The following DSC1 variants were observed in gnomAD, a reference collection of about 807,000 sequenced individuals.
DSC1 encodes the protein desmocollin 1, also known as desmocollin-1.
Under a neutral mutation model 98.8 loss-of-function variants are expected in DSC1, and 79 were observed. The observed-to-expected ratio is 0.80, with a 90% CI of 0.67 to 0.96. The LOEUF (loss-of-function observed/expected upper bound fraction) is 0.96. DSC1 is among the 50% of genes least tolerant of loss of function. DSC1 has a pLI of 0.00. For missense variants in DSC1, 1,115 were observed against 1,075.9 expected, an observed-to-expected ratio of 1.04 and a Z score of -0.51; for synonymous variants, 405 against 372.1, an observed-to-expected ratio of 1.09 and a Z score of -1.02.
At chr18:31,134,261 T>C (rs1988559892) in intron 12 of DSC1, 131 bp from the exon 13 acceptor site, 3 of 1,244,044 alleles carry the variant, frequency 2.4e-6, no homozygotes, top group Non-Finnish European at 3.3e-6. Context: ...TTTTTGAATT[T>C]GTGATTTCCC....
At chr18:31,156,347 C>G (rs978661149) in intron 3 of DSC1, among the ~76,000 whole-genome samples, 185 bp from the exon 4 acceptor site, 1 of 152,148 alleles carries the variant, frequency 6.6e-6, no homozygotes, top group African/African-American at 2.4e-5. Context: ...TTCCCCCGTT[C>G]TACCTATTTC....
At position 31,140,048 on chromosome 18, in the gene DSC1, C is replaced by G; in HGVS notation, c.1514G>C (p.Gly505Ala). The change falls in exon 10 of 16, where the codon GGC (glycine) becomes GCC (alanine). Residue 505 changes from glycine (G) to alanine (A), a missense_variant. Gly to Ala is a moderately conservative substitution (Grantham distance 60). Coordinates refer to ENST00000257198, the MANE Select transcript of DSC1 (RefSeq NM_024421.2). Reference protein sequence around the residue: ...ALDPEISSGEGLRYQKLGDED... With the variant: ...ALDPEISSGEALRYQKLGDED... Reference sequence around the variant, plus strand: ...TTTTTGAAAAGTACATCACCTTAAGCCTTCACCACTGGATATTTCCGGGTC... The same window carrying G: ...TTTTTGAAAAGTACATCACCTTAAGGCTTCACCACTGGATATTTCCGGGTC... 6.2e-7 allele frequency: 1 copy of G among 1,613,644 alleles called. No homozygotes were observed. Among genetic ancestry groups the G allele is most frequent in the Non-Finnish European group, 8.5e-7 (1 of 1,179,794 alleles).
Position 31,156,855 on chromosome 18 carries a change from A to G in DSC1, c.351+516T>C, listed in dbSNP as rs541693323. On this transcript the variant is annotated intron_variant, in intron 3 of 15. Transcript: ENST00000257198. ...CAAGAAAATGAGCCTAGAGTTAAACATTCAAATCAATTCTGTGGATTGGCC... is the reference window on the plus strand; with the variant it reads ...CAAGAAAATGAGCCTAGAGTTAAACGTTCAAATCAATTCTGTGGATTGGCC... Among the ~76,000 whole-genome samples, 3 of 152,334 alleles carry G rather than the reference A, an allele frequency of 2.0e-5. No homozygotes were observed. The East Asian group carries it at 5.8e-4, about 29-fold the overall frequency.
rs1013718144 is a variant in DSC1, at chr18:31,130,372, A to G, written c.*142T>C. On this transcript the variant is annotated 3_prime_UTR_variant, in exon 16 of 16. Transcript: ENST00000257198. ...ATACCAGACAAGGAGAATGTAGGGG[A>G]ATCTCATATTTATAGTACCCTTACC... is the stretch of plus-strand genomic sequence containing the variant. 1 of 800,948 alleles carries G rather than the reference A, an allele frequency of 1.2e-6. No individual in the cohort carries two copies. The allele number at this position is 800,948 out of a possible 1,614,324, so 49.6% of individuals were successfully genotyped here.
At position 31,159,299 on chromosome 18, in the gene DSC1, C is replaced by T. The variant is rs544622804; in HGVS notation, c.148+146G>A. The T allele has an allele frequency of 3.0e-4, 187 of 624,034 alleles. 3 individuals carry two copies. In the Admixed American group the frequency reaches 4.6e-3, roughly 15 times the overall value. The allele number at this position is 624,034 out of a possible 1,614,324, so 38.7% of individuals were successfully genotyped here. A position where few individuals can be genotyped will look rare whatever the true frequency, so the allele number is the denominator to read the frequency against. On this transcript the variant is annotated intron_variant, in intron 2 of 15. Transcript: ENST00000257198. ...CGATCTCCTGACCTCATGATCCACC[C>T]GCCTCGGCCTCCCAAAGTGCTGGGA... is the stretch of plus-strand genomic sequence containing the variant.
intron 13 of DSC1, 35 bp from the exon 14 acceptor site, chr18:31,132,724 C>T: frequency 1.3e-6 from 2 of 1,572,650 alleles, no homozygotes; most frequent in East Asian, 2.3e-5. Flanking sequence ...AAAACACAGA[C>T]ATTAAATCAT....
chr18:31,153,481 T>G (rs1002189869), intron 5 of DSC1, among the ~76,000 whole-genome samples: 2 of 152,172 alleles, frequency 1.3e-5, no homozygotes, highest in Admixed American at 1.3e-4. Flanking sequence ...ATATGTTTAT[T>G]CTAGAGAATT....
At chr18:31,151,978 ATGG>A (rs1989007906) in intron 5 of DSC1, among the ~76,000 whole-genome samples, 1 of 152,144 alleles carries the variant, frequency 6.6e-6, no homozygotes, top group Non-Finnish European at 1.5e-5. Flanking sequence ...CCTGGCGAAC[ATGG>A]TGGAACCCTG....
In DSC1 at chr18:31,156,277, G is replaced by A. The variant is rs1028586943; in HGVS notation, c.352-115C>T. 32 of 1,269,786 alleles carry A rather than the reference G, an allele frequency of 2.5e-5. No individual in the cohort carries two copies. In the Admixed American group the frequency reaches 7.3e-4, roughly 29 times the overall value. The allele number at this position is 1,269,786 out of a possible 1,614,324, so 78.7% of individuals were successfully genotyped here. A position where few individuals can be genotyped will look rare whatever the true frequency, so the allele number is the denominator to read the frequency against. Reference sequence around the variant, plus strand: ...AAGGGTTACACATTACAATATCATGGCTAGTCAGCAAAGCATTTCTATTGA... The same window carrying A: ...AAGGGTTACACATTACAATATCATGACTAGTCAGCAAAGCATTTCTATTGA... On this transcript the variant is annotated intron_variant, in intron 3 of 15. Coordinates refer to ENST00000257198, the MANE Select transcript of DSC1 (RefSeq NM_024421.2).
intron 13 of DSC1, among the ~76,000 whole-genome samples, chr18:31,133,451 A>G (rs1219267722): frequency 6.6e-6 from 1 of 152,140 alleles, no homozygotes; most frequent in African/African-American, 2.4e-5. Flanking sequence ...TCACTTCATT[A>G]ATAATATGGA....
rs1197600597 is a variant in DSC1, at chr18:31,148,506, C to T, written c.764G>A (p.Cys255Tyr). 4 of 1,595,894 alleles carry T rather than the reference C, an allele frequency of 2.5e-6. No individual in the cohort carries two copies. The East Asian group carries it at 9.0e-5, about 36-fold the overall frequency. The stretch of plus-strand genomic sequence containing the variant: ...ATAAAATGTGAACTTACCGGATCGG[C>T]AATTTTCAGGCACAGTAAAGATAGT... The part of the protein sequence containing the change: ...RVTIFTVPEN[C>Y]RSGTSVGKVT... Residue 255 changes from cysteine (C) to tyrosine (Y), a missense_variant, in exon 6 of 16, where the codon TGC (cysteine) becomes TAC (tyrosine). Coordinates refer to ENST00000257198, the MANE Select transcript of DSC1 (RefSeq NM_024421.2).
At position 31,162,510 on chromosome 18, in the gene DSC1, T is replaced by C. The variant is rs1239813228; in HGVS notation, c.63+22A>G. 3 of 1,612,918 alleles carry C rather than the reference T, an allele frequency of 1.9e-6. No individual in the cohort carries two copies. The East Asian group carries it at 6.7e-5, about 36-fold the overall frequency. ...CAGGTAGTAACATGCTTGAATTCCCTAATCCTTTGGTTGTTACTCACCAGG... is the reference window on the plus strand; with the variant it reads ...CAGGTAGTAACATGCTTGAATTCCCCAATCCTTTGGTTGTTACTCACCAGG... On this transcript the variant is annotated intron_variant, in intron 1 of 15. Transcript: ENST00000257198.
chr18:31,132,788 C>T, intron 13 of DSC1, 99 bp from the exon 14 acceptor site: 2 of 1,153,506 alleles, frequency 1.7e-6, no homozygotes, highest in Non-Finnish European at 1.2e-6. Context: ...AAATTCATTC[C>T]ACAAATTGAG....
intron 5 of DSC1, among the ~76,000 whole-genome samples, chr18:31,152,121 T>G (rs910788940): frequency 2.6e-5 from 4 of 151,584 alleles, no homozygotes; most frequent in African/African-American, 9.7e-5. Flanking sequence ...GAGATCGGAT[T>G]ACTGCACTCC....
chr18:31,162,454 T>G (rs1057368362), intron 1 of DSC1, 78 bp downstream of exon 1: 5 of 1,389,232 alleles, frequency 3.6e-6, no homozygotes, highest in Non-Finnish European at 5.1e-6. Flanking sequence ...TCACTCCTAG[T>G]CTCTTTCAAG....
chr18:31,141,784 A>G (rs1433646462), intron 9 of DSC1, among the ~76,000 whole-genome samples: 1 of 152,182 alleles, frequency 6.6e-6, no homozygotes, highest in African/African-American at 2.4e-5. Flanking sequence ...TTTTCTTCAT[A>G]TAGAGAACAA....
intron 14 of DSC1, chr18:31,132,109 G>A (rs528812716): frequency 2.1e-6 from 1 of 483,350 alleles, no homozygotes; most frequent in Non-Finnish European, 3.7e-6. Context: ...GGTTATATGG[G>A]ATTAGAGTGG....
At chr18:31,135,027 A>G (rs1194689124) in intron 11 of DSC1, among the ~76,000 whole-genome samples, 1 of 152,186 alleles carries the variant, frequency 6.6e-6, no homozygotes, top group Non-Finnish European at 1.5e-5. Context: ...TGAGATTATG[A>G]GGAAGGTCAC....
intron 11 of DSC1, among the ~76,000 whole-genome samples, chr18:31,136,818 T>C (rs1988620801): frequency 6.6e-6 from 1 of 152,204 alleles, no homozygotes; most frequent in Admixed American, 6.5e-5. Context: ...TCTTAGAAGA[T>C]ATCAAAAATT....
Sources: allele counts gnomAD v4.1 joint callset (sites outside exome capture counted in the v4.1 genomes callset), GRCh38; gene constraint gnomAD v4.1.1; transcripts MANE v1.5; gene names NCBI Gene and HGNC (gene_info 2026-07-23, HGNC 2026-07-21).